The following MICU1 variants were observed in gnomAD, a reference collection of about 807,000 sequenced individuals.
MICU1 encodes the protein mitochondrial calcium uptake 1, also known as calcium uptake protein 1, mitochondrial.
A neutral mutation model predicts 56.8 loss-of-function variants in MICU1; 45 were observed. The ratio of observed to expected loss-of-function variants is 0.79; its 90% CI spans 0.62 to 1.02. The LOEUF (loss-of-function observed/expected upper bound fraction) is 1.02. MICU1 is among the 50% of genes least tolerant of loss of function. The pLI is 0.00. For synonymous variants in MICU1, 186 were observed against 195.1 expected, an observed-to-expected ratio of 0.95 and a Z score of 0.39; for missense variants, 504 against 587.1, an observed-to-expected ratio of 0.86 and a Z score of 1.46.
intron 1 of MICU1, among the ~76,000 whole-genome samples, chr10:72,590,806 C>A (rs1245281330): frequency 6.8e-6 from 1 of 147,792 alleles, no homozygotes; most frequent in African/African-American, 2.5e-5. Context: ...GAGTGAGACA[C>A]GGTCTCAAAA....
intron 8 of MICU1, among the ~76,000 whole-genome samples, chr10:72,441,551 T>TTA (rs1864929039): frequency 7.9e-6 from 1 of 127,036 alleles, no homozygotes; most frequent in African/African-American, 2.9e-5. Context: ...TTAAATTATT[T>TTA]AAAAAAAAAA....
intron 1 of MICU1, among the ~76,000 whole-genome samples, chr10:72,573,324 A>C (rs1445845556): frequency 6.7e-5 from 10 of 148,636 alleles, no homozygotes; most frequent in African/African-American, 1.7e-4. Flanking sequence ...AAAAAAAAAA[A>C]AAAAAAAAAA....
chr10:72,510,429 AAGTACCTC>A (rs1867405323), intron 5 of MICU1, among the ~76,000 whole-genome samples: 1 of 152,196 alleles, frequency 6.6e-6, no homozygotes, highest in Non-Finnish European at 1.5e-5. Context: ...CTTTATGCTT[AAGTACCTC>A]AGCATAGATT....
chr10:72,488,478 T>C (rs1866546774), intron 6 of MICU1, among the ~76,000 whole-genome samples: 1 of 152,110 alleles, frequency 6.6e-6, no homozygotes, highest in Admixed American at 6.6e-5. Context: ...AAGCAACATA[T>C]AATGAAGTAC....
intron 10 of MICU1, among the ~76,000 whole-genome samples, chr10:72,376,834 A>G (rs912361940): frequency 2.6e-5 from 4 of 151,898 alleles, no homozygotes; most frequent in Non-Finnish European, 5.9e-5. Flanking sequence ...ACTGACTTGT[A>G]TATTTAAAAA....
chr10:72,382,770 G>A (rs1419025433), intron 10 of MICU1, among the ~76,000 whole-genome samples: 3 of 152,124 alleles, frequency 2.0e-5, no homozygotes, highest in African/African-American at 7.2e-5. Context: ...TTAGCCAGGC[G>A]TGGTGGCACA....
chr10:72,592,638 G>T (rs1377208484), intron 1 of MICU1, among the ~76,000 whole-genome samples: 1 of 152,096 alleles, frequency 6.6e-6, no homozygotes, highest in Non-Finnish European at 1.5e-5. Context: ...GACAAAGTGG[G>T]ATTTATTCCT....
At chr10:72,421,432 G>A (rs372779965) in intron 9 of MICU1, among the ~76,000 whole-genome samples, 13 of 152,126 alleles carry the variant, frequency 8.5e-5, no homozygotes, top group East Asian at 3.9e-4. Flanking sequence ...CCACCACCAC[G>A]CCTGGCTAAT....
intron 10 of MICU1, among the ~76,000 whole-genome samples, chr10:72,388,945 T>C (rs57865056): frequency 0.044 from 6,706 of 152,316 alleles, 391 homozygotes; most frequent in African/African-American, 0.13. Flanking sequence ...CTTCATTTGA[T>C]ATTTTCCTCA....
intron 1 of MICU1, among the ~76,000 whole-genome samples, chr10:72,597,108 T>C (rs755521995): frequency 4.4e-4 from 67 of 152,104 alleles, no homozygotes; most frequent in Non-Finnish European, 8.2e-4. Context: ...CCCCCAAAAG[T>C]CTATTAATTT....
At position 72,533,771 on chromosome 10, in the gene MICU1, T is replaced by C; in HGVS notation, c.512A>G (p.Tyr171Cys). Residue 171 changes from tyrosine to cysteine, a missense_variant, in exon 5 of 12, where the codon TAT becomes TGT. By Grantham distance (194) the Tyr-to-Cys change is radical. Transcript: ENST00000361114. Reference protein sequence around the residue: ...KQPEHLGLDQYIIKRFDGKKI... With the variant: ...KQPEHLGLDQCIIKRFDGKKI... ...CTTTCCATCAAAGCGTTTTATTATA[T>C]ATTGATCCAGACCCAAGTCTGTAAA... The C allele has an allele frequency of 6.2e-7, 1 of 1,601,738 alleles. No individual in the cohort carries two copies. Among genetic ancestry groups the C allele is most frequent in the Non-Finnish European group, 8.5e-7 (1 of 1,172,806 alleles).
At chr10:72,493,813 A>G (rs531139104) in intron 6 of MICU1, among the ~76,000 whole-genome samples, 10 of 152,212 alleles carry the variant, frequency 6.6e-5, no homozygotes, top group African/African-American at 2.4e-4. Context: ...TGATTATTTT[A>G]TTAGCCTAAA....
At chr10:72,433,554 A>G (rs970215903) in intron 8 of MICU1, among the ~76,000 whole-genome samples, 3 of 151,870 alleles carry the variant, frequency 2.0e-5, no homozygotes. Context: ...CAGCCTCCAG[A>G]GTAGCTGGGA....
At chr10:72,616,416 C>T (rs936906534) in intron 1 of MICU1, among the ~76,000 whole-genome samples, 4 of 151,810 alleles carry the variant, frequency 2.6e-5, no homozygotes, top group Admixed American at 6.6e-5. Flanking sequence ...ACAGAAACTC[C>T]GTCTCTACTA....
At chr10:72,382,180 G>A (rs902363241) in intron 10 of MICU1, among the ~76,000 whole-genome samples, 2 of 151,398 alleles carry the variant, frequency 1.3e-5, no homozygotes, top group African/African-American at 2.4e-5. Flanking sequence ...GTGCGATCTC[G>A]GCTCATTGCA....
rs35303837 is a variant in MICU1 at position 72,587,464 on chromosome 10, CAAAAAAAAAA to C, written c.-1-20680_-1-20671del. Among the ~76,000 whole-genome samples, 6 of 92,868 alleles carry C rather than the reference CAAAAAAAAAA, an allele frequency of 6.5e-5. No homozygotes were observed. In the Admixed American group the frequency reaches 6.6e-4, roughly 10 times the overall value. The allele number at this position is 92,868 out of a possible 152,430, so 60.9% of individuals were successfully genotyped here. A position where few individuals can be genotyped will look rare whatever the true frequency, so the allele number is the denominator to read the frequency against. On this transcript the variant is annotated intron_variant, in intron 1 of 11. Transcript: ENST00000361114. ...GGACAACAAGAGTGGCAGCATGTCTCAAAAAAAAAAAAAAAAAAAAATAGGCCAGGCGCAG... is the reference window on the plus strand; with the variant it reads ...GGACAACAAGAGTGGCAGCATGTCTCAAAAAAAAAAATAGGCCAGGCGCAG...
chr10:72,500,303 T>TATATATA (rs1388516520), intron 6 of MICU1, among the ~76,000 whole-genome samples: 1 of 4,772 alleles, frequency 2.1e-4, no homozygotes, highest in Admixed American at 2.9e-3. Flanking sequence ...TATATATATA[T>TATATATA]TTTTTTTTTT....
chr10:72,529,497 C>T (rs1014379475), intron 5 of MICU1, among the ~76,000 whole-genome samples: 1 of 151,964 alleles, frequency 6.6e-6, no homozygotes, highest in Non-Finnish European at 1.5e-5. Context: ...GTATTCCTTG[C>T]TTAAGGAACA....
intron 1 of MICU1, among the ~76,000 whole-genome samples, chr10:72,604,883 A>G (rs372076545): frequency 1.7e-3 from 257 of 152,356 alleles, no homozygotes; most frequent in African/African-American, 5.8e-3. Flanking sequence ...TCAATTTTGC[A>G]GTCAATCAGA....
Sources: gnomAD v4.1 joint callset for allele counts (sites outside exome capture counted in the v4.1 genomes callset) on GRCh38, gnomAD v4.1.1 for gene constraint, MANE v1.5 for transcripts, NCBI Gene and HGNC (gene_info 2026-07-23, HGNC 2026-07-21) for gene names.